GRM8: variants seen among roughly 807,000 people sequenced by gnomAD.
The protein encoded by GRM8 is metabotropic glutamate receptor 8.
A neutral mutation model predicts 87.2 loss-of-function variants in GRM8; 47 were observed. The observed-to-expected ratio is 0.54, with a 90% CI of 0.43 to 0.69. The LOEUF (loss-of-function observed/expected upper bound fraction) is 0.69. Among genes scored for constraint, GRM8 ranks in the 30% least tolerant of loss-of-function variants. The pLI is 0.00. For synonymous variants in GRM8, 396 were observed against 404.5 expected (o/e 0.98, Z 0.25); for missense variants, 1,019 against 1,139.2 (o/e 0.89, Z 1.52).
At chr7:127,090,042 T>A (rs759966399) in intron 3 of GRM8, among the ~76,000 whole-genome samples, 3 of 152,322 alleles carry the variant, frequency 2.0e-5, no homozygotes, top group Non-Finnish European at 4.4e-5. Context: ...ATTCCCATCC[T>A]CCATGCCTGG....
chr7:126,722,758 A>G (rs1812522468), intron 7 of GRM8, among the ~76,000 whole-genome samples: 1 of 151,768 alleles, frequency 6.6e-6, no homozygotes, highest in African/African-American at 2.4e-5. Flanking sequence ...GGTCATTTCT[A>G]TCACAGCACT....
intron 7 of GRM8, among the ~76,000 whole-genome samples, chr7:126,735,143 A>T: frequency 6.6e-6 from 1 of 152,116 alleles, no homozygotes; most frequent in East Asian, 1.9e-4. Context: ...GCTGTAGGGC[A>T]AGTAACACCA....
intron 9 of GRM8, among the ~76,000 whole-genome samples, chr7:126,520,460 A>T (rs1812815158): frequency 6.6e-6 from 1 of 152,102 alleles, no homozygotes; most frequent in Non-Finnish European, 1.5e-5. Flanking sequence ...AAAAGGGCAG[A>T]GATTAAGAAA....
At chr7:127,179,290 C>A (rs10238740) in intron 2 of GRM8, among the ~76,000 whole-genome samples, 107,666 of 152,018 alleles carry the variant, frequency 0.71, 39,799 homozygotes, top group African/African-American at 0.88. Flanking sequence ...GGCCTTGTCC[C>A]ACAGAAAAAT....
At chr7:126,710,355 T>G (rs752286120) in intron 7 of GRM8, among the ~76,000 whole-genome samples, 1 of 152,230 alleles carries the variant, frequency 6.6e-6, no homozygotes, top group Non-Finnish European at 1.5e-5. Context: ...CATGTTATGC[T>G]GTTTAATAGC....
chr7:126,595,371 G>GTATTT (rs146479444), intron 8 of GRM8, among the ~76,000 whole-genome samples: 7,445 of 133,668 alleles, frequency 0.056, 362 homozygotes, highest in African/African-American at 0.11. Flanking sequence ...GCTAATTCTG[G>GTATTT]TATTTTATTT....
intron 7 of GRM8, among the ~76,000 whole-genome samples, chr7:126,751,647 A>AT (rs1400840946): frequency 6.6e-6 from 1 of 152,172 alleles, no homozygotes; most frequent in African/African-American, 2.4e-5. Context: ...GGAAGGCACC[A>AT]TTGCACTTTA....
intron 3 of GRM8, among the ~76,000 whole-genome samples, chr7:126,935,375 C>A (rs1049390491): frequency 1.3e-5 from 2 of 152,156 alleles, no homozygotes; most frequent in African/African-American, 4.8e-5. Flanking sequence ...TAGCTCAGAA[C>A]TACTAACAGC....
intron 3 of GRM8, chr7:126,980,900 G>C (rs1156799526): frequency 6.6e-6 from 1 of 152,210 alleles, no homozygotes; most frequent in Non-Finnish European, 1.5e-5. Flanking sequence ...AAAAGTGCCA[G>C]TCATTGCCTC....
intron 7 of GRM8, among the ~76,000 whole-genome samples, chr7:126,643,319 A>AAAAAAT (rs1802666066): frequency 2.8e-5 from 1 of 36,200 alleles, no homozygotes; most frequent in African/African-American, 1.3e-4. Context: ...AAAAAAAAAA[A>AAAAAAT]ATATATATAT....
At chr7:127,067,680 C>G (rs1244853176) in intron 3 of GRM8, among the ~76,000 whole-genome samples, 1 of 152,128 alleles carries the variant, frequency 6.6e-6, no homozygotes, top group Non-Finnish European at 1.5e-5. Flanking sequence ...GGGTATTATC[C>G]TGCATTCAAT....
At chr7:126,497,826 A>G (rs1809001624) in intron 9 of GRM8, among the ~76,000 whole-genome samples, 1 of 151,986 alleles carries the variant, frequency 6.6e-6, no homozygotes, top group African/African-American at 2.4e-5. Context: ...GCCCTATTAT[A>G]AAACGGAGGG....
At chr7:126,711,887 G>A (rs1019656067) in intron 7 of GRM8, among the ~76,000 whole-genome samples, 1 of 152,180 alleles carries the variant, frequency 6.6e-6, no homozygotes, top group Non-Finnish European at 1.5e-5. Flanking sequence ...GCTTCGCTCT[G>A]GATTAGGCTT....
intron 2 of GRM8, among the ~76,000 whole-genome samples, chr7:127,187,784 T>G (rs1794816746): frequency 6.6e-6 from 1 of 152,146 alleles, no homozygotes; most frequent in Admixed American, 6.5e-5. Flanking sequence ...CAAGAATAAT[T>G]TTTCTCCAAT....
chr7:127,037,959 T>C (rs1818003728), intron 3 of GRM8, among the ~76,000 whole-genome samples: 1 of 152,122 alleles, frequency 6.6e-6, no homozygotes, highest in Non-Finnish European at 1.5e-5. Context: ...GAAAACATGG[T>C]TTGACTATGT....
intron 7 of GRM8, among the ~76,000 whole-genome samples, chr7:126,723,331 C>T (rs1812633634): frequency 6.6e-6 from 1 of 151,964 alleles, no homozygotes; most frequent in African/African-American, 2.4e-5. Flanking sequence ...TTAAGAATCC[C>T]CATTTGCTGT....
intron 3 of GRM8, among the ~76,000 whole-genome samples, chr7:127,009,938 G>A (rs1814711911): frequency 6.6e-6 from 1 of 151,898 alleles, no homozygotes; most frequent in Non-Finnish European, 1.5e-5. Context: ...CTGCTTCCTG[G>A]GTTCAAGGAT....
At chr7:126,992,652 C>T (rs1050900843) in intron 3 of GRM8, among the ~76,000 whole-genome samples, 1 of 152,116 alleles carries the variant, frequency 6.6e-6, no homozygotes, top group African/African-American at 2.4e-5. Flanking sequence ...CCCTTCTCTA[C>T]TTCAGTTTAT....
At chr7:126,745,304 A>G (rs1815518214) in intron 7 of GRM8, among the ~76,000 whole-genome samples, 1 of 151,568 alleles carries the variant, frequency 6.6e-6, no homozygotes, top group South Asian at 2.1e-4. Flanking sequence ...TCCTTGCTAT[A>G]CGCCAGATAT....
Sources: gnomAD v4.1 joint callset for allele counts (sites outside exome capture counted in the v4.1 genomes callset) on GRCh38, gnomAD v4.1.1 for gene constraint, MANE v1.5 for transcripts, NCBI Gene and HGNC (gene_info 2026-07-23, HGNC 2026-07-21) for gene names.